The following MFHAS1 variants were observed in gnomAD, a reference collection of about 807,000 sequenced individuals.
MFHAS1 encodes malignant fibrous histiocytoma-amplified sequence 1.
Under a neutral mutation model 70.4 loss-of-function variants are expected in MFHAS1, and 50 were observed. That is an observed-to-expected ratio of 0.71 (90% CI 0.57 to 0.90). The LOEUF is 0.90. Ranked by LOEUF, MFHAS1 falls within the 40% of genes least tolerant of loss-of-function variation. The probability of loss-of-function intolerance (pLI) is 0.00; values close to 1 mark genes in which losing one functional copy is unlikely to be tolerated. For synonymous variants in MFHAS1, 952 were observed against 620.0 expected, an observed-to-expected ratio of 1.54 and a Z score of -7.96; for missense variants, 1,795 against 1,347.6, an observed-to-expected ratio of 1.33 and a Z score of -5.20.
chr8:8,892,466 CG>C lies in MFHAS1; in HGVS notation c.592del (p.Arg198GlyfsTer37). ...CAGGGCCACCAGCTGCAGCAGCTGC[CG>C]GGGGAAGGCAGTGAGCTGGTTGTGA... ...VDHNQLTAFP[R>X]QLLQLVALEE... On this transcript the variant is annotated frameshift_variant, in exon 1 of 3. Coordinates refer to ENST00000276282, the MANE Select transcript of MFHAS1 (RefSeq NM_004225.3). LOFTEE classifies it high-confidence loss of function. This position sits in a 1 kb window ranked among gnomAD's most constrained non-coding sequence, Gnocchi z 4.7. 6.2e-7 allele frequency: 1 copy of C among 1,608,208 alleles called. No homozygotes were observed. The highest frequency in any genetic ancestry group is 8.5e-7 in the Non-Finnish European group (1 of 1,177,494).
chr8:8,878,921 A>G (rs894628373), intron 1 of MFHAS1, among the ~76,000 whole-genome samples: 3 of 152,184 alleles, frequency 2.0e-5, no homozygotes, highest in African/African-American at 7.2e-5. Context: ...GCAGTCATAT[A>G]TTTTTATTAT....
chr8:8,826,169 G>A (rs1807152361), intron 1 of MFHAS1, among the ~76,000 whole-genome samples: 1 of 151,864 alleles, frequency 6.6e-6, no homozygotes, highest in African/African-American at 2.4e-5. Context: ...CCTCCTGACG[G>A]CCAGTCTATT....
intron 2 of MFHAS1, among the ~76,000 whole-genome samples, chr8:8,793,764 T>G (rs527845524): frequency 2.3e-4 from 35 of 152,338 alleles, no homozygotes; most frequent in Non-Finnish European, 4.6e-4. Context: ...CTTAGAGGCA[T>G]GGACTGGAAC....
At chr8:8,832,037 G>T (rs1807408332) in intron 1 of MFHAS1, among the ~76,000 whole-genome samples, 2 of 117,240 alleles carry the variant, frequency 1.7e-5, no homozygotes, top group African/African-American at 2.9e-5. Flanking sequence ...CTTACTTCAA[G>T]GCGCACATGC....
chr8:8,859,436 G>C (rs563469865), intron 1 of MFHAS1, among the ~76,000 whole-genome samples: 2 of 152,148 alleles, frequency 1.3e-5, no homozygotes, highest in African/African-American at 2.4e-5. Flanking sequence ...GCTATTCAAA[G>C]ACAGCTTAAT....
At chr8:8,803,811 A>G (rs1806172528) in intron 1 of MFHAS1, among the ~76,000 whole-genome samples, 1 of 152,032 alleles carries the variant, frequency 6.6e-6, no homozygotes, top group Non-Finnish European at 1.5e-5. Context: ...GGCTCTACTA[A>G]AAAAACAAAA....
chr8:8,841,250 G>A (rs560027100), intron 1 of MFHAS1, among the ~76,000 whole-genome samples: 8 of 152,204 alleles, frequency 5.3e-5, no homozygotes, highest in African/African-American at 9.6e-5. Flanking sequence ...CGAGGCAGGC[G>A]GATCACCTGC....
At chr8:8,832,038 G>T (rs562867996) in intron 1 of MFHAS1, among the ~76,000 whole-genome samples, 8 of 115,756 alleles carry the variant, frequency 6.9e-5, no homozygotes, top group African/African-American at 2.1e-4. Flanking sequence ...TTACTTCAAG[G>T]CGCACATGCA....
intron 1 of MFHAS1, among the ~76,000 whole-genome samples, chr8:8,828,779 C>T (rs189545207): frequency 1.3e-5 from 2 of 152,288 alleles, no homozygotes; most frequent in East Asian, 1.9e-4. Flanking sequence ...AGAGCTGGCC[C>T]CTAATGAATA....
At position 8,862,401 on chromosome 8, in the gene MFHAS1, A is replaced by T. The variant is rs1210058688; in HGVS notation, c.2998+27660T>A. Among the ~76,000 whole-genome samples the T allele has an allele frequency of 1.4e-4, 16 of 118,124 alleles. No individual in the cohort carries two copies. The East Asian group carries it at 2.9e-3, about 21-fold the overall frequency. 77.5% of individuals were successfully genotyped at this position (118,124 alleles called of 152,430 possible). A position where few individuals can be genotyped will look rare whatever the true frequency, so the allele number is the denominator to read the frequency against. ...CAGCTATAAGAGGTTTTTTTTTTTT[A>T]ATCAGATATATATTTTTCAAATATT... On this transcript the variant is annotated intron_variant, in intron 1 of 2. Transcript: ENST00000276282.
chr8:8,886,087 T>A (rs1385291231), intron 1 of MFHAS1, among the ~76,000 whole-genome samples: 1 of 152,236 alleles, frequency 6.6e-6, no homozygotes, highest in Non-Finnish European at 1.5e-5. Context: ...AGATTACCTA[T>A]TTTAAATAAG....
At chr8:8,823,656 G>T (rs924307659) in intron 1 of MFHAS1, among the ~76,000 whole-genome samples, 1 of 150,742 alleles carries the variant, frequency 6.6e-6, no homozygotes, top group Non-Finnish European at 1.5e-5. Context: ...CATGTCCTTG[G>T]TTCTCCCAGG....
intron 1 of MFHAS1, among the ~76,000 whole-genome samples, chr8:8,797,997 C>T (rs1286158189): frequency 6.6e-6 from 1 of 152,186 alleles, no homozygotes; most frequent in Non-Finnish European, 1.5e-5. Flanking sequence ...CTAAGATCAG[C>T]CCAGCCTCCT....
chr8:8,785,863 C>A lies in MFHAS1; in HGVS notation c.*159G>T. ...GCTTCCCCCCACCACCCCCTCCCCACCTCTTCCCCAGTCGTCCAAAAAGCA... is the reference window on the plus strand; with the variant it reads ...GCTTCCCCCCACCACCCCCTCCCCAACTCTTCCCCAGTCGTCCAAAAAGCA... On this transcript the variant is annotated 3_prime_UTR_variant, in exon 3 of 3. Transcript: ENST00000276282. 9.2e-6 allele frequency: 4 copies of A among 436,582 alleles called. No individual in the cohort carries two copies. Among genetic ancestry groups the A allele is most frequent in the East Asian group, 5.2e-5 (1 of 19,350 alleles). 27.0% of individuals were successfully genotyped at this position (436,582 alleles called of 1,614,324 possible). A position where few individuals can be genotyped will look rare whatever the true frequency, so the allele number is the denominator to read the frequency against.
intron 2 of MFHAS1, among the ~76,000 whole-genome samples, chr8:8,792,794 G>C (rs1001670018): frequency 2.6e-5 from 4 of 152,132 alleles, no homozygotes; most frequent in Admixed American, 2.0e-4. Flanking sequence ...CATTGCACAG[G>C]TGAATTTTCT....
intron 1 of MFHAS1, among the ~76,000 whole-genome samples, chr8:8,884,290 T>C (rs1257277225): frequency 6.6e-6 from 1 of 152,064 alleles, no homozygotes; most frequent in Non-Finnish European, 1.5e-5. Flanking sequence ...TTTTGATTTT[T>C]ACATAAAACA....
intron 1 of MFHAS1, among the ~76,000 whole-genome samples, chr8:8,837,502 C>T (rs1293715834): frequency 3.3e-5 from 5 of 152,004 alleles, no homozygotes; most frequent in South Asian, 2.1e-4. Flanking sequence ...ATTAGCCAAG[C>T]GTGGTGGCGC....
In MFHAS1 at chr8:8,826,643, C is replaced by T. The variant is rs552345193; in HGVS notation, c.2999-29152G>A. On this transcript the variant is annotated intron_variant, in intron 1 of 2. Coordinates refer to ENST00000276282, the MANE Select transcript of MFHAS1 (RefSeq NM_004225.3). Reference sequence around the variant, plus strand: ...AGCTACTCGGGAGGCTGAGGCAGGACAATCGCTTGAACCCAGAAGGTGGAG... The same window carrying T: ...AGCTACTCGGGAGGCTGAGGCAGGATAATCGCTTGAACCCAGAAGGTGGAG... Among the ~76,000 whole-genome samples, 275 of 152,204 alleles carry T rather than the reference C, an allele frequency of 1.8e-3. 1 individual carries two copies. The highest frequency in any genetic ancestry group is 2.1e-3 in the Non-Finnish European group (143 of 68,010).
intron 2 of MFHAS1, among the ~76,000 whole-genome samples, chr8:8,797,152 A>T (rs1379510360): frequency 2.2e-5 from 1 of 44,512 alleles, no homozygotes; most frequent in African/African-American, 5.6e-5. Flanking sequence ...AGCTAAAGTA[A>T]AAAAAAAAAA....
Sources: allele counts gnomAD v4.1 joint callset (sites outside exome capture counted in the v4.1 genomes callset), GRCh38; gene constraint gnomAD v4.1.1; non-coding constraint Gnocchi (gnomAD v3.1); transcripts MANE v1.5; gene names NCBI Gene and HGNC (gene_info 2026-07-23, HGNC 2026-07-21).